Variants in PCCA observed in about 807,000 individuals in gnomAD.
The protein encoded by PCCA is propionyl-CoA carboxylase alpha chain, mitochondrial.
A neutral mutation model predicts 101.3 loss-of-function variants in PCCA; 74 were observed. The observed-to-expected ratio is 0.73, with a 90% CI of 0.61 to 0.89. The LOEUF is 0.89. PCCA is among the 40% of genes least tolerant of loss of function. PCCA has a pLI of 0.00. For synonymous variants in PCCA, 294 were observed against 313.6 expected (o/e 0.94, Z 0.66); for missense variants, 891 against 907.0 (o/e 0.98, Z 0.23).
At chr13:100,229,304 T>C (rs1204696169) in intron 7 of PCCA, among the ~76,000 whole-genome samples, 1 of 152,214 alleles carries the variant, frequency 6.6e-6, no homozygotes, top group South Asian at 2.1e-4. Context: ...AACTGAAGTG[T>C]AAAAAGTAAA....
intron 20 of PCCA, among the ~76,000 whole-genome samples, chr13:100,447,112 G>A (rs539161493): frequency 2.6e-5 from 4 of 152,258 alleles, no homozygotes; most frequent in South Asian, 2.1e-4. Context: ...TTGGCTGGGC[G>A]CAGTGGCTCA....
intron 19 of PCCA, among the ~76,000 whole-genome samples, chr13:100,395,169 C>A (rs978261671): frequency 6.6e-6 from 1 of 152,196 alleles, no homozygotes; most frequent in African/African-American, 2.4e-5. Flanking sequence ...TTAGACTGTT[C>A]AAGCTTAAAA....
chr13:100,153,487 A>G (rs1180678777), intron 4 of PCCA, among the ~76,000 whole-genome samples: 22 of 152,192 alleles, frequency 1.4e-4, no homozygotes, highest in Admixed American at 1.3e-3. Context: ...TTAAACAAAG[A>G]CTTAAATGTA....
At position 100,483,479 on chromosome 13, in the gene PCCA, T is replaced by C. The variant is rs2084119868; in HGVS notation, c.1900-31948T>C. 2.0e-5 allele frequency among the ~76,000 whole-genome samples: 3 copies of C among 152,218 alleles called. No individual in the cohort carries two copies. The South Asian group carries it at 6.2e-4, about 31-fold the overall frequency. ...CATGTGACCGTTTGTGCTGGCTCAT[T>C]GGGAGTTCTGCTGCTCAGTACTCCT... On this transcript the variant is annotated intron_variant, in intron 21 of 23. Transcript: ENST00000376285.
In PCCA at chr13:100,529,379, T is replaced by C. The variant is rs544753824; in HGVS notation, c.2119-719T>C. ...CGATGAGTTCTAATCCATTTTTCAT[T>C]TTCAGGCCCAAGCAAGAGCCTCCAA... is the stretch of plus-strand genomic sequence containing the variant. On this transcript the variant is annotated intron_variant, in intron 23 of 23. Coordinates refer to ENST00000376285, the MANE Select transcript of PCCA (RefSeq NM_000282.4). 9.2e-5 allele frequency among the ~76,000 whole-genome samples: 14 copies of C among 152,280 alleles called. No homozygotes were observed. The South Asian group carries it at 1.5e-3, about 16-fold the overall frequency.
intron 19 of PCCA, among the ~76,000 whole-genome samples, chr13:100,373,077 A>G (rs2075675502): frequency 6.6e-6 from 1 of 152,140 alleles, no homozygotes; most frequent in Non-Finnish European, 1.5e-5. Flanking sequence ...GGAATATATA[A>G]AGAAATTTTT....
intron 4 of PCCA, among the ~76,000 whole-genome samples, chr13:100,139,384 A>G (rs888790991): frequency 1.3e-5 from 2 of 151,794 alleles, no homozygotes; most frequent in Non-Finnish European, 1.5e-5. Context: ...TAGACCTTTA[A>G]GTATTGTTCC....
intron 18 of PCCA, among the ~76,000 whole-genome samples, chr13:100,354,077 TAA>T (rs2073635576): frequency 1.7e-5 from 1 of 59,500 alleles, no homozygotes; most frequent in Non-Finnish European, 4.8e-5. Context: ...TCTCTACAAA[TAA>T]TAATAATAAT....
At chr13:100,367,597 C>T (rs918420064) in intron 18 of PCCA, among the ~76,000 whole-genome samples, 1 of 145,052 alleles carries the variant, frequency 6.9e-6, no homozygotes, top group African/African-American at 2.6e-5. Flanking sequence ...TTTTAAATTT[C>T]GTGAATTTTT....
In PCCA at chr13:100,493,973, G is replaced by A. The variant is rs557974120; in HGVS notation, c.1900-21454G>A. Among the ~76,000 whole-genome samples, 59 of 151,590 alleles carry A rather than the reference G, an allele frequency of 3.9e-4. 1 individual carries two copies. Among genetic ancestry groups the A allele is most frequent in the African/African-American group, 1.4e-3 (58 of 41,318 alleles). The stretch of plus-strand genomic sequence containing the variant: ...TGGGAGGCCGAGGTGGGCAGATTAC[G>A]AGGTCAGGAGCTGGTGACCATCCTG... On this transcript the variant is annotated intron_variant, in intron 21 of 23. Transcript: ENST00000376285.
chr13:100,160,459 C>T (rs907777211), intron 6 of PCCA, among the ~76,000 whole-genome samples: 5 of 150,338 alleles, frequency 3.3e-5, no homozygotes, highest in African/African-American at 7.4e-5. Flanking sequence ...GCTGAGATCA[C>T]GCTACTGCAC....
chr13:100,139,950 C>G (rs542956297), intron 4 of PCCA, among the ~76,000 whole-genome samples: 1 of 150,746 alleles, frequency 6.6e-6, no homozygotes, highest in South Asian at 2.1e-4. Context: ...TCTTTGTACT[C>G]CTATACAGAT....
At position 100,273,225 on chromosome 13, in the gene PCCA, C is replaced by T. The variant is rs1302507711; in HGVS notation, c.944C>T (p.Ala315Val). 1 of 1,612,544 alleles carries T rather than the reference C, an allele frequency of 6.2e-7. No homozygotes were observed. The highest frequency in any genetic ancestry group is 1.7e-5 in the Admixed American group (1 of 60,020). Reference protein sequence around the residue: ...SIFLDAETRRAMGEQAVALAR... With the variant: ...SIFLDAETRRVMGEQAVALAR... ...TTTTTGGATGCGGAGACTCGAAGAG[C>T]GATGGGAGAACAAGCTGTAGCTCTT... The change falls in exon 12 of 24, where the codon GCG becomes GTG. Residue 315 changes from alanine to valine, a missense_variant. By Grantham distance (64) the Ala-to-Val change is moderately conservative. Transcript: ENST00000376285.
chr13:100,115,756 C>G (rs1389727113), intron 4 of PCCA, among the ~76,000 whole-genome samples: 2 of 152,140 alleles, frequency 1.3e-5, no homozygotes, highest in Non-Finnish European at 2.9e-5. Flanking sequence ...CTCATTTGTA[C>G]CTTCCCTGAA....
At chr13:100,508,775 T>C (rs1208303008) in intron 21 of PCCA, among the ~76,000 whole-genome samples, 2 of 152,188 alleles carry the variant, frequency 1.3e-5, no homozygotes, top group African/African-American at 4.8e-5. Context: ...TGTCTCCACA[T>C]CTTTTCTCCT....
At chr13:100,317,040 A>G (rs1187625008) in intron 16 of PCCA, among the ~76,000 whole-genome samples, 1 of 152,106 alleles carries the variant, frequency 6.6e-6, no homozygotes, top group Non-Finnish European at 1.5e-5. Context: ...CCCAAAATGA[A>G]CAATACTATT....
intron 6 of PCCA, among the ~76,000 whole-genome samples, chr13:100,202,781 T>C (rs1327876419): frequency 2.0e-5 from 3 of 151,812 alleles, no homozygotes; most frequent in Non-Finnish European, 4.4e-5. Flanking sequence ...TTTCAATTTG[T>C]CTTTCTCATA....
At chr13:100,293,894 G>A (rs982609958) in intron 12 of PCCA, among the ~76,000 whole-genome samples, 1 of 152,136 alleles carries the variant, frequency 6.6e-6, no homozygotes, top group Non-Finnish European at 1.5e-5. Flanking sequence ...TTGTTTTAAA[G>A]CATATTGTAA....
intron 18 of PCCA, among the ~76,000 whole-genome samples, chr13:100,350,871 T>C (rs998626850): frequency 6.6e-6 from 1 of 152,214 alleles, no homozygotes; most frequent in Admixed American, 6.5e-5. Context: ...TTGATTTCTC[T>C]CTCCTCTACT....
Sources: gnomAD v4.1 joint callset for allele counts (sites outside exome capture counted in the v4.1 genomes callset) on GRCh38, gnomAD v4.1.1 for gene constraint, MANE v1.5 for transcripts, NCBI Gene and HGNC (gene_info 2026-07-23, HGNC 2026-07-21) for gene names.